Variants in ZNF469 observed in about 807,000 individuals in gnomAD.
The protein encoded by ZNF469 is zinc finger protein 469.
ZNF469 carries 1 observed loss-of-function variant against 1.0 expected under a neutral mutation model. That is an observed-to-expected ratio of 1.00 (90% CI 0.35 to 4.73). ZNF469 has a LOEUF of 4.73. Ranked by LOEUF, ZNF469 falls within the 30% of genes most tolerant of loss-of-function variation. The pLI, the probability that ZNF469 is intolerant of heterozygous loss-of-function variation, is 0.16. For synonymous variants in ZNF469, 2,703 were observed against 2,363.4 expected (o/e 1.14, Z -4.17); for missense variants, 6,100 against 5,356.3 (o/e 1.14, Z -4.33).
intron 1 of ZNF469, among the ~76,000 whole-genome samples, chr16:88,403,308 C>G (rs1249526603): frequency 3.3e-5 from 5 of 152,356 alleles, no homozygotes; most frequent in Non-Finnish European, 2.9e-5. Context: ...TTTTTTGTAA[C>G]ATAGTGTTAT....
At chr16:88,411,724 G>A (rs1905173923) in intron 1 of ZNF469, among the ~76,000 whole-genome samples, 1 of 152,188 alleles carries the variant, frequency 6.6e-6, no homozygotes. Flanking sequence ...GTGCTGCAGG[G>A]CCTGGGGCCT....
At chr16:88,240,216 G>C in the ZNF469 span, among the ~76,000 whole-genome samples, 1 of 152,234 alleles carries the variant, frequency 6.6e-6, no homozygotes, top group Non-Finnish European at 1.5e-5. Context: ...AGGTCAGGAC[G>C]TGTCTTCTCA....
At chr16:88,133,821 C>T in the ZNF469 span, among the ~76,000 whole-genome samples, 2 of 152,218 alleles carry the variant, frequency 1.3e-5, no homozygotes, top group Non-Finnish European at 2.9e-5. Context: ...CAGCCGGACA[C>T]AGTGGCTCAC....
Position 88,436,490 on chromosome 16 carries a change from A to G in ZNF469, c.9020A>G (p.Asp3007Gly), listed in dbSNP as rs1326276877. ...GGCCTGGAGATGCCGGCCCCTGCCG[A>G]TGACTCCTCCTCTTCTCTCGGAGAT... ...WRGLEMPAPA[D>G]DSSSSLGDVS... Residue 3007 changes from aspartate to glycine, a missense_variant, in exon 3 of 3, where the codon GAT becomes GGT. Physicochemically the swap from Asp to Gly is moderately conservative, Grantham distance 94 (BLOSUM62 -1). Transcript: ENST00000565624. The G allele has an allele frequency of 1.9e-6, 3 of 1,547,584 alleles. No homozygotes were observed. The highest frequency in any genetic ancestry group is 2.7e-5 in the African/African-American group (2 of 73,034).
the ZNF469 span, among the ~76,000 whole-genome samples, chr16:88,278,539 A>G: frequency 9.2e-6 from 1 of 108,540 alleles, no homozygotes; most frequent in African/African-American, 3.2e-5. Flanking sequence ...GTGCACAGTT[A>G]GTGCTGCACC....
the ZNF469 span, among the ~76,000 whole-genome samples, chr16:88,128,525 G>A: frequency 6.6e-6 from 1 of 152,310 alleles, no homozygotes; most frequent in East Asian, 1.9e-4. Context: ...CTTAGAGGGT[G>A]CTCCACCTGG....
chr16:88,276,989 C>T, the ZNF469 span, among the ~76,000 whole-genome samples: 1 of 150,446 alleles, frequency 6.6e-6, no homozygotes, highest in African/African-American at 2.5e-5. Context: ...CGGTCAGTAC[C>T]ATGTAGATAT....
At chr16:88,335,533 C>T in the ZNF469 span, among the ~76,000 whole-genome samples, 1 of 152,202 alleles carries the variant, frequency 6.6e-6, no homozygotes, top group Non-Finnish European at 1.5e-5. Context: ...CCTCAGGGCT[C>T]CCAAAGTGAG....
the ZNF469 span, among the ~76,000 whole-genome samples, chr16:88,348,702 T>G: frequency 0.027 from 4,103 of 152,196 alleles, 180 homozygotes; most frequent in African/African-American, 0.093. Flanking sequence ...GAGGTGCCAT[T>G]TGGGGGCTGG....
chr16:88,394,178 T>C lies in ZNF469; in HGVS notation c.-192+10924T>C, dbSNP rs1291070094. The stretch of plus-strand genomic sequence containing the variant: ...CGAGAGGGATGGGGTTTGACAGGTC[T>C]ACACCTGCGCTGCCTGGGAGGAGCG... On this transcript the variant is annotated intron_variant, in intron 1 of 2. Coordinates refer to ENST00000565624, the MANE Select transcript of ZNF469 (RefSeq NM_001367624.2). Among the ~76,000 whole-genome samples, 58 of 150,474 alleles carry C rather than the reference T, an allele frequency of 3.9e-4. 14 individuals are homozygous for C. The highest frequency in any genetic ancestry group is 7.5e-4 in the Non-Finnish European group (51 of 67,612).
At chr16:88,206,861 CGGGGACGGAGGGGGAGGGGAG>C in the ZNF469 span, among the ~76,000 whole-genome samples, 1 of 910 alleles carries the variant, frequency 1.1e-3, no homozygotes, top group African/African-American at 4.1e-3. Context: ...GGGGAGGCCG[CGGGGACGGAGGGGGAGGGGAG>C]GCCGCGGGGA....
chr16:88,258,100 C>T, the ZNF469 span, among the ~76,000 whole-genome samples: 1 of 152,084 alleles, frequency 6.6e-6, no homozygotes, highest in Non-Finnish European at 1.5e-5. Flanking sequence ...CTGGTACAGA[C>T]CAGTAGAAGC....
chr16:88,242,938 C>CAA, the ZNF469 span, among the ~76,000 whole-genome samples: 1 of 152,192 alleles, frequency 6.6e-6, no homozygotes, highest in Non-Finnish European at 1.5e-5. Context: ...ATGGAATGAA[C>CAA]AAAAACAAAA....
chr16:88,213,191 C>G, the ZNF469 span, among the ~76,000 whole-genome samples: 2 of 151,984 alleles, frequency 1.3e-5, no homozygotes, highest in Non-Finnish European at 2.9e-5. Flanking sequence ...CTCCGCCTCC[C>G]TGGTTCACGC....
the ZNF469 span, among the ~76,000 whole-genome samples, chr16:88,203,932 A>G: frequency 6.6e-6 from 1 of 152,268 alleles, no homozygotes; most frequent in African/African-American, 2.4e-5. Flanking sequence ...GGGTTTTGAA[A>G]TAGAATCTTA....
chr16:88,223,533 T>G, the ZNF469 span, among the ~76,000 whole-genome samples: 1 of 152,184 alleles, frequency 6.6e-6, no homozygotes, highest in Non-Finnish European at 1.5e-5. Flanking sequence ...CACTCATGGT[T>G]AGAGACGGAG....
chr16:88,427,220 A>G (rs1820280063), intron 2 of ZNF469, among the ~76,000 whole-genome samples, 125 bp from the exon 3 acceptor site: 1 of 152,062 alleles, frequency 6.6e-6, no homozygotes, highest in African/African-American at 2.4e-5. Context: ...AGCTTCTGTG[A>G]TGGCTGCACG....
At chr16:88,245,848 G>C in the ZNF469 span, among the ~76,000 whole-genome samples, 1 of 152,284 alleles carries the variant, frequency 6.6e-6, no homozygotes, top group Non-Finnish European at 1.5e-5. Context: ...TCCAGACATT[G>C]AGCGTGCCTG....
the ZNF469 span, among the ~76,000 whole-genome samples, chr16:88,140,889 T>C: frequency 6.6e-6 from 1 of 152,136 alleles, no homozygotes; most frequent in African/African-American, 2.4e-5. Flanking sequence ...GCTGAGATCA[T>C]GCCATTGCAC....
Sources: allele counts gnomAD v4.1 joint callset (sites outside exome capture counted in the v4.1 genomes callset), GRCh38; gene constraint gnomAD v4.1.1; transcripts MANE v1.5; gene names NCBI Gene and HGNC (gene_info 2026-07-23, HGNC 2026-07-21).